The following ADGRE3 variants were observed in gnomAD, a reference collection of about 807,000 sequenced individuals.
The protein encoded by ADGRE3 is EGF-like module receptor 3.
A neutral mutation model predicts 80.1 loss-of-function variants in ADGRE3; 88 were observed. That is an observed-to-expected ratio of 1.10 (90% CI 0.93 to 1.31). ADGRE3 has a LOEUF of 1.31. ADGRE3 is among the 40% of genes most tolerant of loss of function. The pLI, the probability that ADGRE3 is intolerant of heterozygous loss-of-function variation, is 0.00. For synonymous variants in ADGRE3, 281 were observed against 294.8 expected (o/e 0.95, Z 0.48); for missense variants, 715 against 776.5 (o/e 0.92, Z 0.94).
intron 14 of ADGRE3, among the ~76,000 whole-genome samples, chr19:14,628,441 AAAAT>A (rs564499487): frequency 1.3e-5 from 2 of 152,018 alleles, no homozygotes; most frequent in Admixed American, 6.6e-5. Flanking sequence ...TCTGTCTCAA[AAAAT>A]AAATAAATAA....
chr19:14,665,847 TTATAA>T (rs1345560952), intron 2 of ADGRE3, among the ~76,000 whole-genome samples: 8 of 144,978 alleles, frequency 5.5e-5, no homozygotes, highest in Admixed American at 1.4e-4. Context: ...AATTTGTATA[TTATAA>T]TATAATATAC....
chr19:14,649,588 ATC>A (rs1369901772), intron 7 of ADGRE3, among the ~76,000 whole-genome samples: 2 of 110,158 alleles, frequency 1.8e-5, no homozygotes, highest in Non-Finnish European at 3.8e-5. Flanking sequence ...CTTTCTCCTC[ATC>A]TCTCTCTTTC....
chr19:14,600,685 C>T, the ADGRE3 span, among the ~76,000 whole-genome samples: 1 of 146,442 alleles, frequency 6.8e-6, no homozygotes, highest in African/African-American at 2.5e-5. Context: ...GGGTTCACGC[C>T]ATTCTCCTGC....
the ADGRE3 span, among the ~76,000 whole-genome samples, chr19:14,609,690 T>C: frequency 6.6e-6 from 1 of 151,948 alleles, no homozygotes; most frequent in South Asian, 2.1e-4. Flanking sequence ...ATATAAAAAC[T>C]AGCCGGGTGT....
rs143248913 is a variant in ADGRE3, at chr19:14,636,276, T to C, written c.1484+1829A>G. Among the ~76,000 whole-genome samples, 355 of 147,984 alleles carry C rather than the reference T, an allele frequency of 2.4e-3. 1 individual carries two copies. The highest frequency in any genetic ancestry group is 4.0e-3 in the South Asian group (18 of 4,554). On this transcript the variant is annotated intron_variant, in intron 11 of 15. Coordinates refer to ENST00000253673, the MANE Select transcript of ADGRE3 (RefSeq NM_032571.5). ...ACTCTGTCGTTTAGGTTGGGGTGCG[T>C]TGGTACAATCACAGCTCACTGCAAC...
At chr19:14,602,847 C>T in the ADGRE3 span, among the ~76,000 whole-genome samples, 825 of 151,944 alleles carry the variant, frequency 5.4e-3, 12 homozygotes, top group African/African-American at 0.019. Context: ...GTGATTCTCC[C>T]GCCTCAACCT....
Position 14,647,206 on chromosome 19 carries a change from A to C in ADGRE3, c.857T>G (p.Val286Gly). The C allele has an allele frequency of 6.2e-7, 1 of 1,613,916 alleles. No individual in the cohort carries two copies. Among genetic ancestry groups the C allele is most frequent in the East Asian group, 2.2e-5 (1 of 44,870 alleles). ...CTTCACGTGCTGGAAAGTCAGCGTCACAGACTTGGAGAGAGACACGTTCCT... is the reference window on the plus strand; with the variant it reads ...CTTCACGTGCTGGAAAGTCAGCGTCCCAGACTTGGAGAGAGACACGTTCCT... The part of the protein sequence containing the change: ...PKRNVSLSKS[V>G]TLTFQHVKMT... Residue 286 changes from valine to glycine, a missense_variant, in exon 8 of 16, where the codon GTG becomes GGG. Val to Gly is a moderately radical substitution (Grantham distance 109, BLOSUM62 -3). Coordinates refer to ENST00000253673, the MANE Select transcript of ADGRE3 (RefSeq NM_032571.5).
chr19:14,669,830 G>A (rs143612869), intron 1 of ADGRE3, among the ~76,000 whole-genome samples: 34 of 152,144 alleles, frequency 2.2e-4, no homozygotes, highest in African/African-American at 6.7e-4. Context: ...ACCCAGTAGC[G>A]GGATTTCTGG....
At chr19:14,624,269 T>G (rs909427470) in intron 15 of ADGRE3, among the ~76,000 whole-genome samples, 1 of 152,162 alleles carries the variant, frequency 6.6e-6, no homozygotes, top group Non-Finnish European at 1.5e-5. Context: ...TAATTTTGTA[T>G]TTTTAGTAGA....
chr19:14,632,822 A>C (rs1970923280), intron 13 of ADGRE3, 99 bp downstream of exon 13: 1 of 729,812 alleles, frequency 1.4e-6, no homozygotes, highest in Middle Eastern at 2.4e-4. Context: ...TGGTCTTGCT[A>C]GTCCTGGGAG....
chr19:14,630,545 A>G (rs1970853654), intron 13 of ADGRE3, among the ~76,000 whole-genome samples: 1 of 151,970 alleles, frequency 6.6e-6, no homozygotes, highest in Non-Finnish European at 1.5e-5. Context: ...AGTAGCTGGG[A>G]CTAACTACAG....
rs557660179 is a variant in ADGRE3, at chr19:14,672,729, C to T, written c.25+2017G>A. 1.1e-4 allele frequency among the ~76,000 whole-genome samples: 16 copies of T among 152,264 alleles called. No homozygotes were observed. The South Asian group carries it at 2.5e-3, about 24-fold the overall frequency. The stretch of plus-strand genomic sequence containing the variant: ...AGCTCAAGCGATCCTCCCACCTCAG[C>T]CTCCAGGGTAGCTGGGACTGCAGGT... On this transcript the variant is annotated intron_variant, in intron 1 of 15. Transcript: ENST00000253673.
rs781495577 is a variant in ADGRE3 at position 14,644,218 on chromosome 19, T to A, written c.940A>T (p.Ser314Cys). The A allele has an allele frequency of 6.2e-7, 1 of 1,606,328 alleles. No homozygotes were observed. Among genetic ancestry groups the A allele is most frequent in the East Asian group, 2.2e-5 (1 of 44,454 alleles). ...AAGCAGCCATCCCTGGACCACTGGCTGCCCTGCCCTGTGCTCTTCCAGTAG... is the reference window on the plus strand; with the variant it reads ...AAGCAGCCATCCCTGGACCACTGGCAGCCCTGCCCTGTGCTCTTCCAGTAG... ...CVYWKSTGQG[S>C]QWSRDGCFLI... The change falls in exon 9 of 16, where the codon AGC becomes TGC. Residue 314 changes from serine to cysteine, a missense_variant. Physicochemically the swap from Ser to Cys is moderately radical, Grantham distance 112. Coordinates refer to ENST00000253673, the MANE Select transcript of ADGRE3 (RefSeq NM_032571.5).
chr19:14,625,412 A>C (rs1970710397), intron 15 of ADGRE3, 80 bp downstream of exon 15: 7 of 971,458 alleles, frequency 7.2e-6, no homozygotes, highest in South Asian at 2.8e-5. Context: ...AACAAACAAA[A>C]AAATCCCAAA....
At chr19:14,607,023 C>A in the ADGRE3 span, 1 of 1,319,354 alleles carries the variant, frequency 7.6e-7, no homozygotes, top group Non-Finnish European at 9.7e-7. Flanking sequence ...TGGCTCTCCA[C>A]GGGTGTACTG....
chr19:14,605,311 G>T, the ADGRE3 span, among the ~76,000 whole-genome samples: 7 of 151,488 alleles, frequency 4.6e-5, no homozygotes, highest in Admixed American at 3.9e-4. Context: ...GGCCAAGCTG[G>T]TCTCGAACTC....
chr19:14,635,443 C>G (rs1239385575), intron 11 of ADGRE3, among the ~76,000 whole-genome samples: 1 of 143,882 alleles, frequency 7.0e-6, no homozygotes, highest in Non-Finnish European at 1.5e-5. Context: ...GAGTTTCGCT[C>G]TTGTTGCCCA....
intron 5 of ADGRE3, among the ~76,000 whole-genome samples, chr19:14,656,956 C>T (rs972306282): frequency 7.9e-5 from 12 of 152,106 alleles, no homozygotes; most frequent in Non-Finnish European, 1.2e-4. Context: ...AGTGCAGTGA[C>T]GTGATCTCAG....
At chr19:14,617,384 TTCTTTCTTTCTTTCTTTTCTTTCTC>T (rs2075087922), downstream of ADGRE3, among the ~76,000 whole-genome samples, 1 of 134,958 alleles carries the variant, frequency 7.4e-6, no homozygotes, top group Non-Finnish European at 1.6e-5. Context: ...CTTCCTTTCT[TTCTTTCTTTCTTTCTTTTCTTTCTC>T]TCTTTCTTGA....
Sources: gnomAD v4.1 joint callset for allele counts (sites outside exome capture counted in the v4.1 genomes callset) on GRCh38, gnomAD v4.1.1 for gene constraint, MANE v1.5 for transcripts, NCBI Gene and HGNC (gene_info 2026-07-23, HGNC 2026-07-21) for gene names.